The following TMTC1 variants were observed in gnomAD, a reference collection of about 807,000 sequenced individuals.
The protein encoded by TMTC1 is protein O-mannosyl-transferase TMTC1.
In TMTC1, 73 loss-of-function variants were observed where a neutral mutation model predicts 104.8. That is an observed-to-expected ratio of 0.70 (90% CI 0.58 to 0.85). The LOEUF (loss-of-function observed/expected upper bound fraction) is 0.85, where lower values mean the gene tolerates loss of function less well. Ranked by LOEUF, TMTC1 falls within the 40% of genes least tolerant of loss-of-function variation. TMTC1 has a pLI of 0.00. For synonymous variants in TMTC1, 434 were observed against 428.7 expected (o/e 1.01, Z -0.15); for missense variants, 1,035 against 1,096.1 (o/e 0.94, Z 0.79).
intron 5 of TMTC1, among the ~76,000 whole-genome samples, chr12:29,724,986 C>T (rs1158525629): frequency 1.4e-5 from 2 of 143,540 alleles, no homozygotes; most frequent in African/African-American, 5.1e-5. Context: ...AAAAATTCAG[C>T]GTAGTTTAGC....
intron 6 of TMTC1, among the ~76,000 whole-genome samples, chr12:29,625,102 G>C (rs7955592): frequency 2.0e-5 from 3 of 151,976 alleles, no homozygotes; most frequent in Non-Finnish European, 4.4e-5. Context: ...TACACAACTC[G>C]TTTGGAAATA....
At position 29,696,086 on chromosome 12, in the gene TMTC1, A is replaced by G. The variant is rs183015723; in HGVS notation, c.938+55580T>C. Among the ~76,000 whole-genome samples the G allele has an allele frequency of 2.6e-5, 4 of 152,172 alleles. No individual in the cohort carries two copies. In the East Asian group the frequency reaches 7.7e-4, roughly 29 times the overall value. On this transcript the variant is annotated intron_variant, in intron 5 of 17. Transcript: ENST00000539277. ...GATATATTTAAATACATCTTGGACAAGAACAAAGTATTTTAATTAACTGTG... is the reference window on the plus strand; with the variant it reads ...GATATATTTAAATACATCTTGGACAGGAACAAAGTATTTTAATTAACTGTG...
intron 5 of TMTC1, among the ~76,000 whole-genome samples, chr12:29,661,575 T>TGCCC (rs1940030854): frequency 6.7e-6 from 1 of 149,366 alleles, no homozygotes; most frequent in Admixed American, 6.7e-5. Context: ...GTACTTTTTG[T>TGCCC]ATTTTTAGTA....
intron 2 of TMTC1, among the ~76,000 whole-genome samples, chr12:29,764,987 G>A (rs7969947): frequency 3.9e-5 from 6 of 151,988 alleles, no homozygotes; most frequent in Non-Finnish European, 5.9e-5. Context: ...GTTCTTTCAC[G>A]CAGTAATTGT....
At chr12:29,633,033 A>T in intron 6 of TMTC1, 114 bp downstream of exon 6, 1 of 954,506 alleles carries the variant, frequency 1.0e-6, no homozygotes, top group Non-Finnish European at 1.5e-6. Flanking sequence ...AAATTTACAT[A>T]GACAAGGAGA....
At position 29,604,309 on chromosome 12, in the gene TMTC1, A is replaced by G. The variant is rs1374672321; in HGVS notation, c.1129-10T>C. On this transcript the variant is annotated splice_polypyrimidine_tract_variant and intron_variant, in intron 6 of 17. Transcript: ENST00000539277. Reference sequence around the variant, plus strand: ...CCTTGTGCTCCAGTCTCTGAAACACACAATAGTGAAGGAAACATTAACTTC... The same window carrying G: ...CCTTGTGCTCCAGTCTCTGAAACACGCAATAGTGAAGGAAACATTAACTTC... The G allele has an allele frequency of 8.7e-6, 14 of 1,613,798 alleles. No homozygotes were observed. Among genetic ancestry groups the G allele is most frequent in the South Asian group, 1.1e-5 (1 of 91,066 alleles).
chr12:29,623,829 ATTAAATTAAAT>A (rs913018233), intron 6 of TMTC1, among the ~76,000 whole-genome samples: 2 of 76,088 alleles, frequency 2.6e-5, no homozygotes, highest in African/African-American at 1.4e-4. Flanking sequence ...AAATAAATAA[ATTAAATTAAAT>A]TAAATTAAAT....
intron 5 of TMTC1, among the ~76,000 whole-genome samples, chr12:29,746,361 T>G (rs1942955682): frequency 6.6e-6 from 1 of 152,222 alleles, no homozygotes; most frequent in Admixed American, 6.5e-5. Context: ...TATTCATCAA[T>G]AATACAGGCT....
At chr12:29,590,732 C>G (rs76001486) in intron 7 of TMTC1, among the ~76,000 whole-genome samples, 1 of 152,192 alleles carries the variant, frequency 6.6e-6, no homozygotes, top group Admixed American at 6.5e-5. Context: ...TTACAGTGAG[C>G]TGAGATTGTG....
intron 5 of TMTC1, among the ~76,000 whole-genome samples, chr12:29,656,357 CT>C (rs1187413675): frequency 0.026 from 3,435 of 129,930 alleles, 120 homozygotes; most frequent in African/African-American, 0.079. Context: ...TACACATATA[CT>C]TTTTTTTTTT....
intron 6 of TMTC1, among the ~76,000 whole-genome samples, chr12:29,616,838 A>G (rs1937226710): frequency 6.6e-6 from 1 of 152,146 alleles, no homozygotes; most frequent in Non-Finnish European, 1.5e-5. Flanking sequence ...AAGCACAGGA[A>G]GGCTTCTTGG....
chr12:29,664,429 A>G (rs927122337), intron 5 of TMTC1, among the ~76,000 whole-genome samples: 3 of 152,124 alleles, frequency 2.0e-5, no homozygotes, highest in Admixed American at 6.5e-5. Context: ...CCCTAAGCTC[A>G]GACAGGAGCA....
chr12:29,728,021 G>A (rs182745407), intron 5 of TMTC1, among the ~76,000 whole-genome samples: 10 of 152,256 alleles, frequency 6.6e-5, no homozygotes, highest in Middle Eastern at 3.4e-3. Flanking sequence ...TCTTCTGCGC[G>A]CCCAATAGCA....
intron 10 of TMTC1, among the ~76,000 whole-genome samples, chr12:29,539,127 T>C (rs1350562755): frequency 6.6e-6 from 1 of 152,220 alleles, no homozygotes; most frequent in African/African-American, 2.4e-5. Flanking sequence ...GCTTATGAAA[T>C]AGGTGTGGCT....
chr12:29,595,194 T>C (rs1946376135), intron 7 of TMTC1, among the ~76,000 whole-genome samples: 1 of 152,228 alleles, frequency 6.6e-6, no homozygotes, highest in Non-Finnish European at 1.5e-5. Context: ...CAAACATTCA[T>C]CTTTTATAAC....
intron 1 of TMTC1, among the ~76,000 whole-genome samples, chr12:29,780,253 C>T (rs1019275700): frequency 6.6e-6 from 1 of 152,208 alleles, no homozygotes; most frequent in East Asian, 1.9e-4. Flanking sequence ...CTAGATGTCC[C>T]CAACAGGTGA....
chr12:29,746,588 C>A (rs1942961594), intron 5 of TMTC1, among the ~76,000 whole-genome samples: 1 of 152,150 alleles, frequency 6.6e-6, no homozygotes, highest in Non-Finnish European at 1.5e-5. Flanking sequence ...AGGTCTACAG[C>A]AATAAAACAT....
At chr12:29,514,348 A>T in intron 16 of TMTC1, 134 bp downstream of exon 16, 1 of 869,834 alleles carries the variant, frequency 1.1e-6, no homozygotes, top group South Asian at 3.0e-5. Flanking sequence ...TCAATTAGTT[A>T]AAAAAAACTC....
At chr12:29,583,257 A>G (rs1049225630) in intron 8 of TMTC1, 150 bp downstream of exon 8, 3 of 664,696 alleles carry the variant, frequency 4.5e-6, no homozygotes, top group Non-Finnish European at 7.1e-6. Context: ...TTAAAACCCC[A>G]CATAAAATTA....
Sources: allele counts gnomAD v4.1 joint callset (sites outside exome capture counted in the v4.1 genomes callset), GRCh38; gene constraint gnomAD v4.1.1; transcripts MANE v1.5; gene names NCBI Gene and HGNC (gene_info 2026-07-23, HGNC 2026-07-21).